VPS13D: variants seen among roughly 807,000 people sequenced by gnomAD.
VPS13D encodes the protein intermembrane lipid transfer protein VPS13D.
VPS13D carries 187 observed loss-of-function variants against 461.9 expected under a neutral mutation model. That is an observed-to-expected ratio of 0.40 (90% CI 0.36 to 0.46). VPS13D has a LOEUF of 0.46. VPS13D is among the 20% of genes least tolerant of loss of function. The pLI, the probability that VPS13D is intolerant of heterozygous loss-of-function variation, is 0.60. For synonymous variants in VPS13D, 1,951 were observed against 1,986.3 expected (o/e 0.98, Z 0.47); for missense variants, 4,711 against 5,364.9 (o/e 0.88, Z 3.81).
In VPS13D at chr1:12,283,058, G is replaced by A; in HGVS notation, c.4956G>A (p.Val1652=). The A allele has an allele frequency of 6.2e-7, 1 of 1,614,130 alleles. No individual in the cohort carries two copies. The part of the protein sequence containing the change: ...LVSLKFQDFE[V]EFSKDHPQTL... The stretch of plus-strand genomic sequence containing the variant: ...GCTTAAAGTTTCAGGACTTTGAGGT[G>A]GAATTCAGTAAAGACCATCCCCAGA... The change falls in exon 21 of 70, where the codon GTG becomes GTA. Residue 1652 remains valine (V), a synonymous_variant. Transcript: ENST00000620676.
intron 25 of VPS13D, among the ~76,000 whole-genome samples, chr1:12,301,467 A>T (rs1179069073): frequency 2.0e-5 from 3 of 152,180 alleles, no homozygotes; most frequent in Non-Finnish European, 4.4e-5. Context: ...GTAATAAAGG[A>T]TACAGCCAGA....
At chr1:12,382,519 C>T (rs940439980) in intron 57 of VPS13D, among the ~76,000 whole-genome samples, 4 of 152,100 alleles carry the variant, frequency 2.6e-5, no homozygotes, top group Non-Finnish European at 5.9e-5. Flanking sequence ...CAGCCATAGG[C>T]CTGTTTGGGG....
chr1:12,324,627 G>A (rs2101537026), intron 35 of VPS13D, among the ~76,000 whole-genome samples: 1 of 152,338 alleles, frequency 6.6e-6, no homozygotes, highest in South Asian at 2.1e-4. Context: ...TCTGTAGAAA[G>A]AAGATAAGAG....
intron 7 of VPS13D, among the ~76,000 whole-genome samples, chr1:12,255,733 A>C (rs2101260098): frequency 6.6e-6 from 1 of 152,082 alleles, no homozygotes; most frequent in African/African-American, 2.4e-5. Context: ...TGTACTAAAA[A>C]TAAAAAAATT....
Position 12,353,697 on chromosome 1 carries a change from T to C in VPS13D, c.9432-277T>C, listed in dbSNP as rs191861781. On this transcript the variant is annotated intron_variant, in intron 46 of 69. Transcript: ENST00000620676. Reference sequence around the variant, plus strand: ...GGAGAATATCGATTGGAAAAGGACATGAGGGAACTTTCTGGGGTGAGGGAA... The same window carrying C: ...GGAGAATATCGATTGGAAAAGGACACGAGGGAACTTTCTGGGGTGAGGGAA... Among the ~76,000 whole-genome samples the C allele has an allele frequency of 1.2e-4, 19 of 152,210 alleles. No homozygotes were observed. In the East Asian group the frequency reaches 3.7e-3, roughly 29 times the overall value.
intron 67 of VPS13D, chr1:12,478,942 C>T (rs546233162): frequency 6.6e-6 from 3 of 454,144 alleles, no homozygotes; most frequent in African/African-American, 4.0e-5. Flanking sequence ...TTCCCCATCA[C>T]CTCGAAAGCT....
At position 12,348,993 on chromosome 1, in the gene VPS13D, CAT is replaced by C; in HGVS notation, c.9220+24_9220+25del. 6.2e-7 allele frequency: 1 copy of C among 1,614,036 alleles called. No homozygotes were observed. Among genetic ancestry groups the C allele is most frequent in the South Asian group, 1.1e-5 (1 of 91,082 alleles). On this transcript the variant is annotated intron_variant, in intron 45 of 69. Coordinates refer to ENST00000620676, the MANE Select transcript of VPS13D (RefSeq NM_015378.4). ...CAGACAGTATGTTTTGATTGTCTAG[CAT>C]ATAGTAAATGCTGATAAATACTTCT...
rs747733708 is a variant in VPS13D at position 12,253,728 on chromosome 1, A to C, written c.571A>C (p.Lys191Gln). Residue 191 changes from lysine to glutamine, a missense_variant, in exon 7 of 70, where the codon AAA (lysine) becomes CAA (glutamine). Physicochemically the swap from Lys to Gln is moderately conservative, Grantham distance 53. Transcript: ENST00000620676. ...TTTGTCTTTTTTACCTCAGGTACAG[A>C]AACTAATGCGGAAAAAGCAATTAGA... ...MQNAVNEPVQ[K>Q]LMRKKQLDVA... 4.3e-5 allele frequency: 70 copies of C among 1,613,680 alleles called. No homozygotes were observed. Among genetic ancestry groups the C allele is most frequent in the Non-Finnish European group, 5.7e-5 (67 of 1,179,702 alleles).
At chr1:12,312,162 A>T (rs1025794962) in intron 29 of VPS13D, among the ~76,000 whole-genome samples, 2 of 152,230 alleles carry the variant, frequency 1.3e-5, no homozygotes, top group African/African-American at 4.8e-5. Flanking sequence ...CAGTGACTTA[A>T]AACAGTGAAG....
intron 39 of VPS13D, chr1:12,336,673 A>G (rs1400349470): frequency 6.6e-6 from 1 of 152,210 alleles, no homozygotes; most frequent in Non-Finnish European, 1.5e-5. Flanking sequence ...GAATAAGTGG[A>G]CTTTCTGTCT....
At chr1:12,385,704 TG>T (rs1199210086) in intron 59 of VPS13D, among the ~76,000 whole-genome samples, 2 of 152,228 alleles carry the variant, frequency 1.3e-5, no homozygotes, top group African/African-American at 4.8e-5. Flanking sequence ...TTTCTCTGTT[TG>T]GGATTGGAGA....
intron 44 of VPS13D, among the ~76,000 whole-genome samples, chr1:12,347,154 G>T (rs1340086236): frequency 6.6e-6 from 1 of 151,590 alleles, no homozygotes; most frequent in Admixed American, 6.6e-5. Flanking sequence ...CAATATCAAG[G>T]TTTGAAACAA....
At chr1:12,368,370 C>T (rs945719079) in intron 52 of VPS13D, 98 bp from the exon 53 acceptor site, 42 of 1,432,728 alleles carry the variant, frequency 2.9e-5, no homozygotes, top group Non-Finnish European at 3.6e-5. Flanking sequence ...TTGACTGAGG[C>T]CCAAACAGTG....
At chr1:12,352,562 C>G (rs767696923) in intron 46 of VPS13D, among the ~76,000 whole-genome samples, 22 of 152,134 alleles carry the variant, frequency 1.4e-4, no homozygotes, top group Non-Finnish European at 2.8e-4. Context: ...AAAAGAATGA[C>G]AACACCAAGT....
Position 12,277,022 on chromosome 1 carries a change from A to T in VPS13D, c.3434A>T (p.Asp1145Val). The T allele has an allele frequency of 6.2e-7, 1 of 1,614,160 alleles. No homozygotes were observed. Among genetic ancestry groups the T allele is most frequent in the Non-Finnish European group, 8.5e-7 (1 of 1,180,036 alleles). The change falls in exon 19 of 70, where the codon GAT (aspartate) becomes GTT (valine). Residue 1145 changes from aspartate (D) to valine (V), a missense_variant. This residue lies in a region of VPS13D where 4,411 missense variants were observed against 4,937.8 expected (regional missense o/e 0.89). Coordinates refer to ENST00000620676, the MANE Select transcript of VPS13D (RefSeq NM_015378.4). ...DDLSPQPLMT[D>V]FERSFREQGT... is the part of the protein sequence containing the mutation. Reference sequence around the variant, plus strand: ...TTAAGTCCTCAACCTTTAATGACTGATTTTGAAAGAAGCTTCAGAGAACAA... The same window carrying T: ...TTAAGTCCTCAACCTTTAATGACTGTTTTTGAAAGAAGCTTCAGAGAACAA...
Position 12,384,443 on chromosome 1 carries a change from A to G in VPS13D, c.11371-817A>G, listed in dbSNP as rs544697665. On this transcript the variant is annotated intron_variant, in intron 58 of 69. Coordinates refer to ENST00000620676, the MANE Select transcript of VPS13D (RefSeq NM_015378.4). ...GAGTTAAGGTAACTGTGTGATATCT[A>G]TGTGAAGATGTCCATAAGTCATTGT... 5.3e-4 allele frequency among the ~76,000 whole-genome samples: 81 copies of G among 152,254 alleles called. 2 individuals carry two copies. In the South Asian group the frequency reaches 0.016, roughly 30 times the overall value.
intron 13 of VPS13D, among the ~76,000 whole-genome samples, chr1:12,263,466 A>G (rs1326410367): frequency 6.6e-6 from 1 of 152,240 alleles, no homozygotes; most frequent in Non-Finnish European, 1.5e-5. Context: ...TAGCAAGTAA[A>G]CAAATGTGCA....
chr1:12,509,130 G>T lies in VPS13D; in HGVS notation c.*106G>T. 1 of 1,405,666 alleles carries T rather than the reference G, an allele frequency of 7.1e-7. No individual in the cohort carries two copies. 87.1% of individuals were successfully genotyped at this position (1,405,666 alleles called of 1,614,324 possible). A position where few individuals can be genotyped will look rare whatever the true frequency, so the allele number is the denominator to read the frequency against. On this transcript the variant is annotated 3_prime_UTR_variant, in exon 70 of 70. Transcript: ENST00000620676. Reference sequence around the variant, plus strand: ...GAGGCAGAACCGGAGTCGGGTTTGGGGAAGTTGTCAAGGAATGAGGGAAAG... The same window carrying T: ...GAGGCAGAACCGGAGTCGGGTTTGGTGAAGTTGTCAAGGAATGAGGGAAAG...
chr1:12,384,117 GA>G (rs1193782558), intron 58 of VPS13D, among the ~76,000 whole-genome samples: 4 of 152,306 alleles, frequency 2.6e-5, no homozygotes, highest in African/African-American at 7.2e-5. Context: ...TGGAGATAGT[GA>G]AATACCAGGT....
Sources: allele counts gnomAD v4.1 joint callset (sites outside exome capture counted in the v4.1 genomes callset), GRCh38; gene constraint gnomAD v4.1.1; regional missense constraint gnomAD v4.1.1; transcripts MANE v1.5; gene names NCBI Gene and HGNC (gene_info 2026-07-23, HGNC 2026-07-21).